Variants in UBXN4 observed in about 807,000 individuals in gnomAD.
UBXN4 encodes UBX domain-containing protein 4.
A neutral mutation model predicts 66.2 loss-of-function variants in UBXN4; 35 were observed. The observed-to-expected ratio is 0.53, with a 90% CI of 0.40 to 0.70. The LOEUF (loss-of-function observed/expected upper bound fraction) is 0.70, where lower values mean the gene tolerates loss of function less well. UBXN4 is among the 30% of genes least tolerant of loss of function. UBXN4 has a pLI of 0.00. For missense variants in UBXN4, 533 were observed against 599.8 expected, an observed-to-expected ratio of 0.89 and a Z score of 1.16; for synonymous variants, 203 against 204.5, an observed-to-expected ratio of 0.99 and a Z score of 0.06.
At chr2:135,766,612 A>G (rs1315971479) in intron 6 of UBXN4, among the ~76,000 whole-genome samples, 2 of 152,212 alleles carry the variant, frequency 1.3e-5, no homozygotes, top group Non-Finnish European at 2.9e-5. Flanking sequence ...TCCCTGTTCT[A>G]TCATTAGATT....
At chr2:135,743,003 C>G (rs1246194450) in intron 1 of UBXN4, among the ~76,000 whole-genome samples, 1 of 152,162 alleles carries the variant, frequency 6.6e-6, no homozygotes, top group Non-Finnish European at 1.5e-5. Flanking sequence ...ACAGTGAACT[C>G]CCTGCCTCTA....
intron 3 of UBXN4, 85 bp downstream of exon 3, chr2:135,753,652 TTTTTA>T (rs760016093): frequency 3.2e-5 from 37 of 1,173,916 alleles, no homozygotes; most frequent in Middle Eastern, 5.0e-4. Context: ...AAATTATTCA[TTTTTA>T]TTTAGGAAAT....
intron 2 of UBXN4, among the ~76,000 whole-genome samples, chr2:135,753,295 A>G (rs2077258098): frequency 6.6e-6 from 1 of 152,238 alleles, no homozygotes; most frequent in South Asian, 2.1e-4. Flanking sequence ...AAATGCTGGG[A>G]TTACAGGCAT....
chr2:135,758,075 A>T (rs1387107959), intron 5 of UBXN4, among the ~76,000 whole-genome samples: 3 of 139,870 alleles, frequency 2.1e-5, no homozygotes, highest in Admixed American at 7.1e-5. Context: ...CACCTGGCTA[A>T]TTTTTTTTTT....
intron 5 of UBXN4, among the ~76,000 whole-genome samples, chr2:135,760,395 C>G (rs550256891): frequency 6.6e-6 from 1 of 151,992 alleles, no homozygotes; most frequent in East Asian, 1.9e-4. Flanking sequence ...CATGCCACTG[C>G]TCTCCAGCCT....
At chr2:135,755,086 C>T (rs1350593447) in intron 4 of UBXN4, among the ~76,000 whole-genome samples, 1 of 152,228 alleles carries the variant, frequency 6.6e-6, no homozygotes, top group African/African-American at 2.4e-5. Context: ...ACCTAGCCAT[C>T]TTTTACCCCA....
At position 135,755,644 on chromosome 2, in the gene UBXN4, T is replaced by C. The variant is rs1361989353; in HGVS notation, c.461T>C (p.Leu154Pro). ...CENSQSRNAE[L>P]CEIPPTSDTK... ...AACTCTCAGTCCAGAAATGCAGAGC[T>C]TTGTGAGATACCACCCACTTCTGAT... The change falls in exon 5 of 13, where the codon CTT (leucine) becomes CCT (proline). Residue 154 changes from leucine to proline, a missense_variant. Leu to Pro is a moderately conservative substitution (Grantham distance 98). Coordinates refer to ENST00000272638, the MANE Select transcript of UBXN4 (RefSeq NM_014607.4). 5 of 1,600,480 alleles carry C rather than the reference T, an allele frequency of 3.1e-6. No homozygotes were observed. Among genetic ancestry groups the C allele is most frequent in the Non-Finnish European group, 4.3e-6 (5 of 1,173,214 alleles).
intron 9 of UBXN4, among the ~76,000 whole-genome samples, chr2:135,772,930 G>T (rs756685179): frequency 6.6e-6 from 1 of 151,586 alleles, no homozygotes; most frequent in Non-Finnish European, 1.5e-5. Flanking sequence ...CCAGCTACGC[G>T]GGAGGCTGAG....
In UBXN4 at chr2:135,753,546, T is replaced by G. The variant is rs778944312; in HGVS notation, c.193T>G (p.Cys65Gly). ...AIKIDTKSEA[C>G]LQFSQIYPVV... Reference sequence around the variant, plus strand: ...TTTGATTTTGTTTTACAGTGAAGCCTGCCTACAGTTTTCACAAATCTGTAT... The same window carrying G: ...TTTGATTTTGTTTTACAGTGAAGCCGGCCTACAGTTTTCACAAATCTGTAT... The change falls in exon 3 of 13, where the codon TGC becomes GGC. Residue 65 changes from cysteine to glycine, a missense_variant. Physicochemically the swap from Cys to Gly is radical, Grantham distance 159 (BLOSUM62 -3). Coordinates refer to ENST00000272638, the MANE Select transcript of UBXN4 (RefSeq NM_014607.4). 6.5e-7 allele frequency: 1 copy of G among 1,527,994 alleles called. No individual in the cohort carries two copies. The highest frequency in any genetic ancestry group is 2.5e-5 in the Admixed American group (1 of 39,964). 94.7% of individuals were successfully genotyped at this position (1,527,994 alleles called of 1,614,324 possible).
In UBXN4 at chr2:135,760,603, C is replaced by CA. The variant is rs151234450; in HGVS notation, c.509-1215_509-1214insA. On this transcript the variant is annotated intron_variant, in intron 5 of 12. Transcript: ENST00000272638. ...AACTGTACTCTTATTCAACACTTTT[C>CA]CCCCAGCTTGTCCACAGGTTATCTT... Among the ~76,000 whole-genome samples the CA allele has an allele frequency of 1.2e-4, 19 of 152,280 alleles. No individual in the cohort carries two copies. The East Asian group carries it at 3.7e-3, about 29-fold the overall frequency.
chr2:135,759,766 ATTT>A (rs10660396), intron 5 of UBXN4, among the ~76,000 whole-genome samples: 38 of 93,456 alleles, frequency 4.1e-4, no homozygotes, highest in Admixed American at 1.4e-3. Context: ...TCAATCCAGA[ATTT>A]TTTTTTTTTT....
At chr2:135,758,645 CCTCTT>C (rs1407216273) in intron 5 of UBXN4, among the ~76,000 whole-genome samples, 1 of 152,102 alleles carries the variant, frequency 6.6e-6, no homozygotes, top group Non-Finnish European at 1.5e-5. Flanking sequence ...GCCCTCCACT[CCTCTT>C]CTTTTTCAAC....
Position 135,752,308 on chromosome 2 carries a change from A to C in UBXN4, c.186-1231A>C, listed in dbSNP as rs920540934. Among the ~76,000 whole-genome samples, 58 of 152,114 alleles carry C rather than the reference A, an allele frequency of 3.8e-4. 1 individual carries two copies. The highest frequency in any genetic ancestry group is 1.4e-3 in the African/African-American group (58 of 41,416). ...ATAATCCACTTGCCTCGGCCTCCCAAAGTGCTGGGATTACAGGCGTGAGCC... is the reference window on the plus strand; with the variant it reads ...ATAATCCACTTGCCTCGGCCTCCCACAGTGCTGGGATTACAGGCGTGAGCC... On this transcript the variant is annotated intron_variant, in intron 2 of 12. Transcript: ENST00000272638.
rs2077470885 is a variant in UBXN4 at position 135,784,351 on chromosome 2, G to A, written c.*1464G>A. On this transcript the variant is annotated 3_prime_UTR_variant, in exon 13 of 13. Transcript: ENST00000272638. ...AACAACTTGGTTTAACATGTTTACT[G>A]AGCATCTGTTAAGTGTTGGGGGAAA... 1 of 152,142 alleles carries A rather than the reference G, an allele frequency of 6.6e-6. No homozygotes were observed. Among genetic ancestry groups the A allele is most frequent in the South Asian group, 2.1e-4 (1 of 4,836 alleles). The allele number at this position is 152,142 out of a possible 1,614,324, so 9.4% of individuals were successfully genotyped here.
intron 11 of UBXN4, 122 bp downstream of exon 11, chr2:135,779,201 G>A (rs1185275816): frequency 1.4e-5 from 15 of 1,049,712 alleles, no homozygotes; most frequent in Non-Finnish European, 6.4e-6. Context: ...AAATTCAAGT[G>A]ATCCAATAAT....
chr2:135,742,130 C>A, intron 1 of UBXN4, 119 bp downstream of exon 1: 1 of 1,207,186 alleles, frequency 8.3e-7, no homozygotes, highest in Non-Finnish European at 1.2e-6. Context: ...TCGGCTCGCA[C>A]AATTGCCACT....
intron 5 of UBXN4, among the ~76,000 whole-genome samples, chr2:135,761,169 G>C (rs2077313363): frequency 6.6e-6 from 1 of 152,204 alleles, no homozygotes; most frequent in South Asian, 2.1e-4. Context: ...AATCAGGTTG[G>C]TGGCAAGTTG....
In UBXN4 at chr2:135,770,685, A is replaced by C; in HGVS notation, c.772A>C (p.Lys258Gln). 6.3e-7 allele frequency: 1 copy of C among 1,577,284 alleles called. No individual in the cohort carries two copies. Among genetic ancestry groups the C allele is most frequent in the Non-Finnish European group, 8.5e-7 (1 of 1,169,886 alleles). Residue 258 changes from lysine to glutamine, a missense_variant, in exon 8 of 13, where the codon AAA (lysine) becomes CAA (glutamine). By Grantham distance (53) the Lys-to-Gln change is moderately conservative. Transcript: ENST00000272638. The stretch of plus-strand genomic sequence containing the variant: ...AATGCTGGAGGAAAGAAACAGAGAG[A>C]AAGCAGAAGATAGGGCAGCTCGAGA... ...KRMLEERNRE[K>Q]AEDRAARERI...
chr2:135,753,856 G>C (rs2077262388), intron 3 of UBXN4: 1 of 450,292 alleles, frequency 2.2e-6, no homozygotes, highest in Non-Finnish European at 3.9e-6. Flanking sequence ...AAACAATATA[G>C]ATCAGTTGGG....
Sources: gnomAD v4.1 joint callset for allele counts (sites outside exome capture counted in the v4.1 genomes callset) on GRCh38, gnomAD v4.1.1 for gene constraint, MANE v1.5 for transcripts, NCBI Gene and HGNC (gene_info 2026-07-23, HGNC 2026-07-21) for gene names.